Variants in PTPN12 observed in about 807,000 individuals in gnomAD.
PTPN12 encodes the protein protein tyrosine phosphatase non-receptor type 12.
PTPN12 carries 29 observed loss-of-function variants against 97.6 expected under a neutral mutation model. That is an observed-to-expected ratio of 0.30 (90% CI 0.22 to 0.41). The LOEUF is 0.41. Ranked by LOEUF, PTPN12 falls within the 10% of genes least tolerant of loss-of-function variation. PTPN12 has a pLI of 1.00. For missense variants in PTPN12, 819 were observed against 926.0 expected, an observed-to-expected ratio of 0.88 and a Z score of 1.50; for synonymous variants, 327 against 300.4, an observed-to-expected ratio of 1.09 and a Z score of -0.91.
chr7:77,586,383 G>T (rs1403418024), intron 5 of PTPN12, among the ~76,000 whole-genome samples: 1 of 152,170 alleles, frequency 6.6e-6, no homozygotes, highest in Non-Finnish European at 1.5e-5. Context: ...TGATCAAGTT[G>T]GTATTTGCTA....
At chr7:77,604,031 G>A (rs534530544) in intron 8 of PTPN12, among the ~76,000 whole-genome samples, 72 of 149,170 alleles carry the variant, frequency 4.8e-4, no homozygotes, top group African/African-American at 1.5e-3. Flanking sequence ...GGGATTACAG[G>A]CACACACCAC....
chr7:77,596,721 A>T (rs1033297260), intron 6 of PTPN12, among the ~76,000 whole-genome samples: 2 of 151,916 alleles, frequency 1.3e-5, no homozygotes, highest in East Asian at 1.9e-4. Flanking sequence ...TTTCAAGACT[A>T]TTTTTTTTAG....
intron 1 of PTPN12, among the ~76,000 whole-genome samples, chr7:77,542,839 G>A (rs1807044997): frequency 6.6e-6 from 1 of 152,138 alleles, no homozygotes; most frequent in Non-Finnish European, 1.5e-5. Flanking sequence ...TAGAAATGTA[G>A]AGCTCAAGAT....
intron 1 of PTPN12, among the ~76,000 whole-genome samples, chr7:77,539,997 G>A (rs1057229495): frequency 6.6e-6 from 1 of 151,968 alleles, no homozygotes; most frequent in South Asian, 2.1e-4. Flanking sequence ...GTTTTTTACC[G>A]TCTTACTTTG....
chr7:77,578,942 G>A (rs1399296140), intron 2 of PTPN12, among the ~76,000 whole-genome samples: 2 of 152,114 alleles, frequency 1.3e-5, no homozygotes, highest in South Asian at 2.1e-4. Context: ...AAGTGACCAA[G>A]GTTAACATCA....
chr7:77,548,196 A>C (rs1480135967), intron 1 of PTPN12, among the ~76,000 whole-genome samples: 1 of 152,218 alleles, frequency 6.6e-6, no homozygotes, highest in Non-Finnish European at 1.5e-5. Context: ...ATATGTTTAA[A>C]GTGCCCTGTA....
chr7:77,634,873 G>A (rs1054521060), intron 14 of PTPN12, among the ~76,000 whole-genome samples: 1 of 150,400 alleles, frequency 6.6e-6, no homozygotes, highest in South Asian at 2.1e-4. Context: ...CACCACGCCC[G>A]GCCTTGTTTT....
In PTPN12 at chr7:77,559,155, C is replaced by T. The variant is rs143581147; in HGVS notation, c.100-11923C>T. Among the ~76,000 whole-genome samples the T allele has an allele frequency of 5.4e-3, 825 of 152,300 alleles. 6 individuals carry two copies. Among genetic ancestry groups the T allele is most frequent in the African/African-American group, 0.019 (775 of 41,544 alleles). On this transcript the variant is annotated intron_variant, in intron 1 of 17. Transcript: ENST00000248594. ...AGCCTTGGGCACTTTATTTCTAATGCGCTTCCCTTGTGGACAACGTTTCAC... is the reference window on the plus strand; with the variant it reads ...AGCCTTGGGCACTTTATTTCTAATGTGCTTCCCTTGTGGACAACGTTTCAC...
chr7:77,573,251 T>C (rs1787223179), intron 2 of PTPN12, among the ~76,000 whole-genome samples: 1 of 152,180 alleles, frequency 6.6e-6, no homozygotes, highest in South Asian at 2.1e-4. Flanking sequence ...CTGTTCAGGC[T>C]ATTACAGAAA....
intron 1 of PTPN12, among the ~76,000 whole-genome samples, chr7:77,544,137 A>G (rs562076646): frequency 1.3e-5 from 2 of 152,180 alleles, no homozygotes; most frequent in South Asian, 2.1e-4. Flanking sequence ...TCAGGAATAT[A>G]TGAGGGTTCC....
intron 17 of PTPN12, 119 bp downstream of exon 17, chr7:77,638,850 T>C (rs995409149): frequency 2.9e-6 from 4 of 1,398,064 alleles, no homozygotes; most frequent in Middle Eastern, 2.5e-4. Flanking sequence ...CCAAAGTTGC[T>C]TGGACTAGTC....
intron 8 of PTPN12, among the ~76,000 whole-genome samples, chr7:77,601,567 C>G (rs1487255284): frequency 6.6e-6 from 1 of 151,898 alleles, no homozygotes; most frequent in Non-Finnish European, 1.5e-5. Context: ...TCTAAGATAT[C>G]ATCAATTCTA....
At chr7:77,632,577 A>C in intron 14 of PTPN12, 152 bp downstream of exon 14, 1 of 637,972 alleles carries the variant, frequency 1.6e-6, no homozygotes, top group Non-Finnish European at 2.7e-6. Context: ...CTTTGTTTGA[A>C]AAATGCTTTT....
At chr7:77,543,347 T>A (rs1465943786) in intron 1 of PTPN12, among the ~76,000 whole-genome samples, 1 of 76,924 alleles carries the variant, frequency 1.3e-5, no homozygotes, top group East Asian at 2.8e-4. Flanking sequence ...CCACTGCCTT[T>A]TTTTTTTTTT....
chr7:77,551,023 A>G (rs999229988), intron 1 of PTPN12, among the ~76,000 whole-genome samples: 2 of 152,056 alleles, frequency 1.3e-5, no homozygotes, highest in Non-Finnish European at 2.9e-5. Context: ...ATGCTTCAGG[A>G]TCTTGATCCC....
chr7:77,582,610 C>G (rs1052768492), intron 3 of PTPN12, among the ~76,000 whole-genome samples: 1 of 151,680 alleles, frequency 6.6e-6, no homozygotes, highest in Non-Finnish European at 1.5e-5. Context: ...ATGGGGAAAC[C>G]CAGTCTCTAC....
intron 5 of PTPN12, among the ~76,000 whole-genome samples, chr7:77,591,760 T>C (rs1337486404): frequency 6.6e-6 from 1 of 152,246 alleles, no homozygotes; most frequent in East Asian, 1.9e-4. Context: ...TCTTTCCACT[T>C]CATCACATAT....
At chr7:77,583,946 T>G in intron 4 of PTPN12, 1 of 257,578 alleles carries the variant, frequency 3.9e-6, no homozygotes, top group Non-Finnish European at 7.5e-6. Context: ...CTCTAATAGG[T>G]CAGTAAAATA....
At chr7:77,629,859 T>G (rs545698971) in intron 13 of PTPN12, among the ~76,000 whole-genome samples, 2 of 151,368 alleles carry the variant, frequency 1.3e-5, no homozygotes, top group Non-Finnish European at 2.9e-5. Context: ...GAAGATCACT[T>G]GAGCCTAGGA....
Sources: allele counts gnomAD v4.1 joint callset (sites outside exome capture counted in the v4.1 genomes callset), GRCh38; gene constraint gnomAD v4.1.1; transcripts MANE v1.5; gene names NCBI Gene and HGNC (gene_info 2026-07-23, HGNC 2026-07-21).